Variants in RCC1L observed in about 807,000 individuals in gnomAD.
The protein encoded by RCC1L is RCC1 like, also known as RCC1-like G exchanging factor-like protein.
In RCC1L, 46 loss-of-function variants were observed where a neutral mutation model predicts 58.6. The ratio of observed to expected loss-of-function variants is 0.79; its 90% CI spans 0.62 to 1.00. The LOEUF is 1.00. RCC1L is among the 50% of genes least tolerant of loss of function. The pLI, the probability that RCC1L is intolerant of heterozygous loss-of-function variation, is 0.00. For missense variants in RCC1L, 636 were observed against 623.6 expected, an observed-to-expected ratio of 1.02 and a Z score of -0.21; for synonymous variants, 281 against 262.9, an observed-to-expected ratio of 1.07 and a Z score of -0.67.
chr7:75,052,556 T>C (rs1163239094), intron 10 of RCC1L, among the ~76,000 whole-genome samples, 155 bp downstream of exon 10: 3 of 152,146 alleles, frequency 2.0e-5, no homozygotes, highest in Admixed American at 6.5e-5. Flanking sequence ...TGCAATGACA[T>C]AGCATGCCGC....
At chr7:75,036,183 C>A (rs1170794429) in intron 10 of RCC1L, among the ~76,000 whole-genome samples, 1 of 138,982 alleles carries the variant, frequency 7.2e-6, no homozygotes, top group Non-Finnish European at 1.5e-5. Flanking sequence ...ATGGTGTAAT[C>A]TTGGCTCACT....
In RCC1L at chr7:75,045,577, G is replaced by A. The variant is rs896676723; in HGVS notation, c.1318-2468C>T. Among the ~76,000 whole-genome samples, 32 of 150,854 alleles carry A rather than the reference G, an allele frequency of 2.1e-4. 1 individual carries two copies. The highest frequency in any genetic ancestry group is 1.4e-3 in the East Asian group (7 of 5,048). On this transcript the variant is annotated intron_variant, in intron 10 of 10. Coordinates refer to ENST00000610322, the MANE Select transcript of RCC1L (RefSeq NM_030798.5). ...TGTCACCAGGCTAGAGTGCAGTGGC[G>A]CAATCTCAGTTCACTGCAACCTCCG...
At chr7:75,056,631 G>A (rs1806089889) in intron 8 of RCC1L, 2 of 1,535,348 alleles carry the variant, frequency 1.3e-6, no homozygotes, top group Non-Finnish European at 1.7e-6. Context: ...CAGAGCTGGA[G>A]TCTCTCTGGC....
At chr7:75,035,120 T>A (rs1335385222) in intron 10 of RCC1L, among the ~76,000 whole-genome samples, 2 of 152,170 alleles carry the variant, frequency 1.3e-5, no homozygotes, top group East Asian at 3.8e-4. Flanking sequence ...AGCCCCCAAC[T>A]CCCAGTTTCA....
intron 1 of RCC1L, among the ~76,000 whole-genome samples, chr7:75,071,640 A>AAAAACAAAAC (rs587630523): frequency 2.0e-5 from 3 of 152,090 alleles, no homozygotes; most frequent in African/African-American, 7.2e-5. Context: ...ACTCTGTCTC[A>AAAAACAAAAC]AAAACAAAAC....
At chr7:75,030,090 A>G (rs1435347013) in intron 10 of RCC1L, among the ~76,000 whole-genome samples, 3 of 152,246 alleles carry the variant, frequency 2.0e-5, no homozygotes, top group Non-Finnish European at 2.9e-5. Context: ...GCATCCAGGG[A>G]CAGCCTGGTG....
intron 10 of RCC1L, among the ~76,000 whole-genome samples, chr7:75,033,609 C>T (rs1276709923): frequency 1.3e-5 from 2 of 151,714 alleles, no homozygotes; most frequent in South Asian, 2.1e-4. Context: ...GCAGAAGAAT[C>T]GCTTGAACCT....
chr7:75,066,740 G>T lies in RCC1L; in HGVS notation c.507C>A (p.Asp169Glu), dbSNP rs1426700249. 5 of 1,613,440 alleles carry T rather than the reference G, an allele frequency of 3.1e-6. No individual in the cohort carries two copies. The highest frequency in any genetic ancestry group is 4.2e-6 in the Non-Finnish European group (5 of 1,179,760). The change falls in exon 3 of 11, where the codon GAC (aspartate) becomes GAA (glutamate). Residue 169 changes from aspartate to glutamate, a missense_variant. Transcript: ENST00000610322. ...LEPSPVSLPL[D>E]RPQETRVLQV... ...GCAGCACCCGTGTCTCCTGAGGTCT[G>T]TCCAGAGGCAGGGAGACGGGTGAGG...
At chr7:75,028,779 G>A (rs1326561333) in intron 10 of RCC1L, among the ~76,000 whole-genome samples, 1 of 152,156 alleles carries the variant, frequency 6.6e-6, no homozygotes, top group Non-Finnish European at 1.5e-5. Flanking sequence ...AAGGGGCACT[G>A]CCCACACCAC....
chr7:75,045,920 T>A (rs1805706211), intron 10 of RCC1L, among the ~76,000 whole-genome samples: 1 of 152,234 alleles, frequency 6.6e-6, no homozygotes, highest in Admixed American at 6.5e-5. Flanking sequence ...CAGATCCGAA[T>A]TCGACCACCC....
At chr7:75,030,193 G>T (rs1413205218) in intron 10 of RCC1L, among the ~76,000 whole-genome samples, 1 of 152,240 alleles carries the variant, frequency 6.6e-6, no homozygotes, top group Non-Finnish European at 1.5e-5. Flanking sequence ...GGGGGTGCAG[G>T]CCTAGGTGTG....
chr7:75,072,173 T>TACATATACATATAC (rs1806777600), intron 1 of RCC1L, among the ~76,000 whole-genome samples: 1 of 88,632 alleles, frequency 1.1e-5, no homozygotes, highest in African/African-American at 4.1e-5. Flanking sequence ...TATATATATA[T>TACATATACATATAC]ATATATATAT....
intron 10 of RCC1L, among the ~76,000 whole-genome samples, chr7:75,046,239 G>A (rs1054159542): frequency 1.3e-5 from 2 of 152,156 alleles, no homozygotes; most frequent in African/African-American, 4.8e-5. Flanking sequence ...AACAAGAACG[G>A]GGCCCAGTGA....
At chr7:75,061,314 G>C (rs1806272056) in intron 5 of RCC1L, 23 bp from the exon 6 acceptor site, 1 of 1,606,856 alleles carries the variant, frequency 6.2e-7, no homozygotes, top group East Asian at 2.2e-5. Context: ...CAGAGGTAAG[G>C]GGGATGAGAG....
chr7:75,063,403 GCCCTTTCCCTGT>G, intron 4 of RCC1L, 60 bp from the exon 5 acceptor site: 1 of 1,572,108 alleles, frequency 6.4e-7, no homozygotes, highest in South Asian at 1.1e-5. Context: ...GCACTGTGCA[GCCCTTTCCCTGT>G]CACCCCAACT....
chr7:75,029,359 G>T (rs1208315330), intron 10 of RCC1L, among the ~76,000 whole-genome samples: 3 of 147,340 alleles, frequency 2.0e-5, no homozygotes, highest in Non-Finnish European at 4.5e-5. Context: ...GCAATGGGGG[G>T]ATCTTTTTTT....
chr7:75,052,646 C>A (rs1418309051), intron 10 of RCC1L, 65 bp downstream of exon 10: 1 of 1,488,288 alleles, frequency 6.7e-7, no homozygotes, highest in African/African-American at 1.4e-5. Context: ...CGCGAGGTGT[C>A]TGCAGTGACG....
At chr7:75,051,363 T>G (rs898913756) in intron 10 of RCC1L, among the ~76,000 whole-genome samples, 1 of 144,190 alleles carries the variant, frequency 6.9e-6, no homozygotes, top group African/African-American at 2.8e-5. Context: ...CACATATATA[T>G]ACACACATAT....
At chr7:75,050,382 A>G (rs1805865534) in intron 10 of RCC1L, among the ~76,000 whole-genome samples, 1 of 152,186 alleles carries the variant, frequency 6.6e-6, no homozygotes, top group Admixed American at 6.5e-5. Flanking sequence ...TGGAATGTCA[A>G]CGGGATCGGG....
Sources: allele counts gnomAD v4.1 joint callset (sites outside exome capture counted in the v4.1 genomes callset), GRCh38; gene constraint gnomAD v4.1.1; transcripts MANE v1.5; gene names NCBI Gene and HGNC (gene_info 2026-07-23, HGNC 2026-07-21).